PER3: variants seen among roughly 807,000 people sequenced by gnomAD.
PER3 encodes the protein period circadian protein homolog 3.
PER3 carries 107 observed loss-of-function variants against 127.2 expected under a neutral mutation model. That is an observed-to-expected ratio of 0.84 (90% CI 0.72 to 0.99). The LOEUF (loss-of-function observed/expected upper bound fraction) is 0.99, where lower values mean the gene tolerates loss of function less well. PER3 is among the 50% of genes least tolerant of loss of function. The pLI is 0.00. For synonymous variants in PER3, 618 were observed against 585.8 expected, an observed-to-expected ratio of 1.05 and a Z score of -0.79; for missense variants, 1,560 against 1,525.8, an observed-to-expected ratio of 1.02 and a Z score of -0.37.
At chr1:7,825,932 G>A (rs1029235600) in intron 16 of PER3, among the ~76,000 whole-genome samples, 3 of 151,868 alleles carry the variant, frequency 2.0e-5, no homozygotes, top group African/African-American at 4.8e-5. Context: ...TTAGCCAGGC[G>A]TGGTGTGGCA....
At chr1:7,834,603 G>C (rs982934551) in intron 19 of PER3, among the ~76,000 whole-genome samples, 3 of 152,014 alleles carry the variant, frequency 2.0e-5, no homozygotes, top group African/African-American at 7.3e-5. Context: ...CTACAGGCAT[G>C]TACCACCACA....
At chr1:7,804,972 G>A (rs1235983499) in intron 10 of PER3, among the ~76,000 whole-genome samples, 1 of 151,002 alleles carries the variant, frequency 6.6e-6, no homozygotes, top group African/African-American at 2.4e-5. Context: ...GGGTTCAAAC[G>A]TTTCTCCTGC....
intron 6 of PER3, among the ~76,000 whole-genome samples, chr1:7,797,005 A>G (rs1242149879): frequency 6.6e-6 from 1 of 152,172 alleles, no homozygotes; most frequent in Non-Finnish European, 1.5e-5. Flanking sequence ...GCTTAGTTTT[A>G]GATAAGTTAA....
rs1463883489 is a variant in PER3, at chr1:7,805,087, C to G, written c.1136+1239C>G. On this transcript the variant is annotated intron_variant, in intron 10 of 21. Transcript: ENST00000377532. ...TTCACCATGTTGGCCAGGCTGGTCT[C>G]GAACTCCTGACCTCAAATGATCCAC... Among the ~76,000 whole-genome samples, 4 of 152,200 alleles carry G rather than the reference C, an allele frequency of 2.6e-5. No homozygotes were observed. The East Asian group carries it at 7.7e-4, about 29-fold the overall frequency.
rs1413160426 is a variant in PER3, at chr1:7,827,368, A to T, written c.2439A>T (p.Pro813=). The change falls in exon 18 of 22, where the codon CCA becomes CCT. Residue 813 remains proline (P), a synonymous_variant. Transcript: ENST00000377532. Reference sequence around the variant, plus strand: ...ACCTCGTCCCAGCTTTTCCCCTCCCAGCCGCGACCTCACCCGGAAGAGAAT... The same window carrying T: ...ACCTCGTCCCAGCTTTTCCCCTCCCTGCCGCGACCTCACCCGGAAGAGAAT... ...APYLVPAFPL[P]AATSPGREYA... 6 of 1,613,886 alleles carry T rather than the reference A, an allele frequency of 3.7e-6. No individual in the cohort carries two copies. Among genetic ancestry groups the T allele is most frequent in the Non-Finnish European group, 8.5e-7 (1 of 1,180,012 alleles).
rs543504979 is a variant in PER3, at chr1:7,815,032, T to C, written c.1523-4253T>C. On this transcript the variant is annotated intron_variant, in intron 13 of 21. Transcript: ENST00000377532. ...TGGACTGAAGCCGGGAGTGGTGTTA[T>C]GTGCCAGCTACTAAGAACACTGAGG... 9.2e-5 allele frequency among the ~76,000 whole-genome samples: 14 copies of C among 152,306 alleles called. No individual in the cohort carries two copies. In the East Asian group the frequency reaches 2.7e-3, roughly 29 times the overall value.
At chr1:7,787,510 T>C (rs769815031) in intron 4 of PER3, 2 of 421,322 alleles carry the variant, frequency 4.7e-6, no homozygotes, top group Non-Finnish European at 9.3e-6. Context: ...TAAAAATAGC[T>C]TAAGAAAATA....
chr1:7,785,238 T>C (rs1184515613), intron 2 of PER3, among the ~76,000 whole-genome samples: 1 of 152,114 alleles, frequency 6.6e-6, no homozygotes, highest in Non-Finnish European at 1.5e-5. Context: ...TCAAGTGGAT[T>C]AAGGGAAAGT....
chr1:7,820,246 A>G lies in PER3; in HGVS notation c.1783+7A>G, dbSNP rs1380703396. On this transcript the variant is annotated splice_region_variant and intron_variant, in intron 15 of 21. Transcript: ENST00000377532. Reference sequence around the variant, plus strand: ...GATGTCCAAGCCTTACAAGGTAACAAGAATGCCCCTCAGAGTTAAATTCAA... The same window carrying G: ...GATGTCCAAGCCTTACAAGGTAACAGGAATGCCCCTCAGAGTTAAATTCAA... 4 of 1,610,546 alleles carry G rather than the reference A, an allele frequency of 2.5e-6. No homozygotes were observed. Among genetic ancestry groups the G allele is most frequent in the Non-Finnish European group, 3.4e-6 (4 of 1,178,744 alleles).
At chr1:7,842,047 G>T (rs184027508) in intron 21 of PER3, among the ~76,000 whole-genome samples, 12 of 152,214 alleles carry the variant, frequency 7.9e-5, no homozygotes, top group African/African-American at 2.6e-4. Flanking sequence ...ACTGTAGGCC[G>T]TTGTAACACA....
intron 19 of PER3, 59 bp from the exon 20 acceptor site, chr1:7,835,703 C>A: frequency 1.7e-6 from 2 of 1,208,644 alleles, no homozygotes; most frequent in Non-Finnish European, 1.2e-6. Context: ...GAATGAGAGC[C>A]AGTTTGGCAA....
chr1:7,793,081 A>G (rs974683271), intron 5 of PER3, among the ~76,000 whole-genome samples: 2 of 152,206 alleles, frequency 1.3e-5, no homozygotes, highest in African/African-American at 4.8e-5. Context: ...CTTATTCAAT[A>G]TTTTGGTTGT....
At position 7,844,032 on chromosome 1, in the gene PER3, TA is replaced by T. The variant is rs1248697670; in HGVS notation, c.*1278del. 11 of 1,058,342 alleles carry T rather than the reference TA, an allele frequency of 1.0e-5. No homozygotes were observed. Among genetic ancestry groups the T allele is most frequent in the South Asian group, 2.1e-5 (1 of 48,746 alleles). The allele number at this position is 1,058,342 out of a possible 1,614,324, so 65.6% of individuals were successfully genotyped here. On this transcript the variant is annotated 3_prime_UTR_variant, in exon 22 of 22. Transcript: ENST00000377532. ...TTATATAACTTGCAACAAACTAATT[TA>T]TTTTTTTTTCCTTTTTTTGTTTTTG...
At position 7,826,224 on chromosome 1, in the gene PER3, A is replaced by G. The variant is rs1436320107; in HGVS notation, c.1958-256A>G. On this transcript the variant is annotated intron_variant, in intron 16 of 21. Transcript: ENST00000377532. This position sits in a 1 kb window ranked among gnomAD's most constrained non-coding sequence, Gnocchi z 4.2. Reference sequence around the variant, plus strand: ...TTGAAGAATTCAGGGAGAGAGAAAAATGTTTACAATAAAAGCAAGATTTAA... The same window carrying G: ...TTGAAGAATTCAGGGAGAGAGAAAAGTGTTTACAATAAAAGCAAGATTTAA... 2.0e-5 allele frequency among the ~76,000 whole-genome samples: 3 copies of G among 152,230 alleles called. No homozygotes were observed. The highest frequency in any genetic ancestry group is 7.2e-5 in the African/African-American group (3 of 41,460).
Position 7,788,193 on chromosome 1 carries a change from A to G in PER3, c.539A>G (p.Tyr180Cys), listed in dbSNP as rs769189782. 2.5e-5 allele frequency: 40 copies of G among 1,614,002 alleles called. No homozygotes were observed. Among genetic ancestry groups the G allele is most frequent in the Admixed American group, 8.3e-5 (5 of 60,002 alleles). The part of the protein sequence containing the change: ...LLAPQDMRVF[Y>C]AHTARAQLPF... ...GCACCTCAAGACATGAGGGTATTCT[A>G]CGCGCACACTGCCAGAGCTCAGCTT... Residue 180 changes from tyrosine to cysteine, a missense_variant, in exon 5 of 22, where the codon TAC (tyrosine) becomes TGC (cysteine). By Grantham distance (194) the Tyr-to-Cys change is radical. This residue lies in a region of PER3 where 1,332 missense variants were observed against 1,223.6 expected (regional missense o/e 1.09). Transcript: ENST00000377532.
rs2097269339 is a variant in PER3 at position 7,820,170 on chromosome 1, A to G, written c.1714A>G (p.Asn572Asp). 1 of 1,613,140 alleles carries G rather than the reference A, an allele frequency of 6.2e-7. No individual in the cohort carries two copies. Among genetic ancestry groups the G allele is most frequent in the East Asian group, 2.2e-5 (1 of 44,860 alleles). Residue 572 changes from asparagine to aspartate, a missense_variant, in exon 15 of 22, where the codon AAT becomes GAT. By Grantham distance (23) the Asn-to-Asp change is conservative (BLOSUM62 1). Around this residue, in one of 3 missense-constraint regions of PER3, gnomAD observed 1,332 missense variants for 1,223.6 expected, o/e 1.09. Coordinates refer to ENST00000377532, the MANE Select transcript of PER3 (RefSeq NM_001377275.1). ...GAAAAGAAAGTGTATCTCCTGTACAAATACAACTTCTTCCTCCTCAGAAGA... is the reference window on the plus strand; with the variant it reads ...GAAAAGAAAGTGTATCTCCTGTACAGATACAACTTCTTCCTCCTCAGAAGA... ...ALKRKCISCT[N>D]TTSSSSEEDK...
At chr1:7,832,319 T>G (rs1180135461) in intron 19 of PER3, among the ~76,000 whole-genome samples, 1 of 151,148 alleles carries the variant, frequency 6.6e-6, no homozygotes, top group East Asian at 1.9e-4. Flanking sequence ...CTCATTGGGG[T>G]TTTTTTTCCT....
At chr1:7,830,283 T>G (rs2097325259) in intron 19 of PER3, 122 bp downstream of exon 19, 1 of 849,552 alleles carries the variant, frequency 1.2e-6, no homozygotes, top group African/African-American at 1.7e-5. Flanking sequence ...CTTTTTCCCT[T>G]TTTCCTTTTT....
chr1:7,813,651 T>C (rs1375837514), intron 13 of PER3, among the ~76,000 whole-genome samples: 5 of 152,092 alleles, frequency 3.3e-5, no homozygotes, highest in Admixed American at 2.0e-4. Flanking sequence ...CTAGAGGAAT[T>C]TGAAAGCTGT....
Sources: gnomAD v4.1 joint callset for allele counts (sites outside exome capture counted in the v4.1 genomes callset) on GRCh38, gnomAD v4.1.1 for gene constraint, gnomAD v4.1.1 regional missense constraint, Gnocchi (gnomAD v3.1) non-coding constraint, MANE v1.5 for transcripts, NCBI Gene and HGNC (gene_info 2026-07-23, HGNC 2026-07-21) for gene names.